ABCG2: variants seen among roughly 807,000 people sequenced by gnomAD.
ABCG2 encodes broad substrate specificity ATP-binding cassette transporter ABCG2.
In ABCG2, 80 loss-of-function variants were observed where a neutral mutation model predicts 73.5. The observed-to-expected ratio is 1.09, with a 90% CI of 0.91 to 1.31. The LOEUF is 1.31. Among genes scored for constraint, ABCG2 ranks in the 50% most tolerant of loss-of-function variants. The pLI, the probability that ABCG2 is intolerant of heterozygous loss-of-function variation, is 0.00. For synonymous variants in ABCG2, 269 were observed against 282.4 expected (o/e 0.95, Z 0.48); for missense variants, 796 against 786.2 (o/e 1.01, Z -0.15).
chr4:88,173,426 A>G (rs942008573), intron 1 of ABCG2, among the ~76,000 whole-genome samples: 2 of 152,194 alleles, frequency 1.3e-5, no homozygotes, highest in Non-Finnish European at 2.9e-5. Context: ...CTGTAAAATT[A>G]TGAATCTAAA....
intron 7 of ABCG2, among the ~76,000 whole-genome samples, chr4:88,115,627 AAAAAAAAAAAAG>A (rs1454647303): frequency 1.7e-4 from 21 of 122,154 alleles, no homozygotes; most frequent in African/African-American, 7.6e-4. Flanking sequence ...GGGCCAAAAA[AAAAAAAAAAAAG>A]AAAGAAAAGA....
At chr4:88,129,176 A>G (rs1724657190) in intron 5 of ABCG2, among the ~76,000 whole-genome samples, 1 of 152,162 alleles carries the variant, frequency 6.6e-6, no homozygotes, top group Admixed American at 6.6e-5. Context: ...TTTCTCTCAT[A>G]TGATATTAAC....
In ABCG2 at chr4:88,131,139, A is replaced by G; in HGVS notation, c.453T>C (p.Thr151=). ...QFSAALRLAT[T]MTNHEKNERI... ...GTTCGTTTTTTTCATGATTCGTCAT[A>G]GTTGTTGCAAGCCGAAGAGCTGCTG... The change falls in exon 5 of 16, where the codon ACT becomes ACC. Residue 151 remains threonine, a synonymous_variant. Coordinates refer to ENST00000237612, the MANE Select transcript of ABCG2 (RefSeq NM_004827.3). The G allele has an allele frequency of 6.2e-7, 1 of 1,614,060 alleles. No individual in the cohort carries two copies. Among genetic ancestry groups the G allele is most frequent in the Non-Finnish European group, 8.5e-7 (1 of 1,179,988 alleles).
intron 13 of ABCG2, among the ~76,000 whole-genome samples, chr4:88,096,109 G>C (rs541687878): frequency 6.6e-6 from 1 of 152,308 alleles, no homozygotes; most frequent in South Asian, 2.1e-4. Context: ...AAGGATATGA[G>C]GTTCTGAATG....
chr4:88,157,370 C>T (rs146604516), intron 1 of ABCG2, among the ~76,000 whole-genome samples: 9 of 152,172 alleles, frequency 5.9e-5, no homozygotes, highest in Non-Finnish European at 1.0e-4. Context: ...GTGAGATCAT[C>T]GATTGGATCC....
In ABCG2 at chr4:88,132,578, A is replaced by G. The variant is rs1222092257; in HGVS notation, c.261T>C (p.Ser87=). 4 of 1,614,018 alleles carry G rather than the reference A, an allele frequency of 2.5e-6. No homozygotes were observed. The highest frequency in any genetic ancestry group is 3.4e-6 in the Non-Finnish European group (4 of 1,180,008). The change falls in exon 3 of 16, where the codon TCT becomes TCC. Residue 87 remains serine, a splice_region_variant and synonymous_variant. Transcript: ENST00000237612. ...TACTTATACTCTCTTATACTCACGA[A>G]GATTTGCCTCCACCTGTGGGTCCCA... The part of the protein sequence containing the change: ...AILGPTGGGK[S]SLLDVLAARK...
rs1185176210 is a variant in ABCG2, at chr4:88,094,631, T to C, written c.1766A>G (p.Gln589Arg). 1 of 1,614,054 alleles carries C rather than the reference T, an allele frequency of 6.2e-7. No homozygotes were observed. Among genetic ancestry groups the C allele is most frequent in the Admixed American group, 1.7e-5 (1 of 60,018 alleles). The change falls in exon 15 of 16, where the codon CAA (glutamine) becomes CGA (arginine). Residue 589 changes from glutamine to arginine, a missense_variant. Transcript: ENST00000237612. The stretch of plus-strand genomic sequence containing the variant: ...TGCATTGAGTCCTGGGCAGAAGTTT[T>C]GTCCCAAAAATTCATTATGCTGCAA... ...TALQHNEFLG[Q>R]NFCPGLNATG...
At chr4:88,190,673 T>C (rs1728650846) in intron 1 of ABCG2, among the ~76,000 whole-genome samples, 1 of 152,150 alleles carries the variant, frequency 6.6e-6, no homozygotes, top group Admixed American at 6.5e-5. Context: ...ATTTTAACCA[T>C]TAAGAAAATG....
intron 1 of ABCG2, among the ~76,000 whole-genome samples, chr4:88,181,590 G>T (rs1728255421): frequency 6.6e-6 from 1 of 151,962 alleles, no homozygotes; most frequent in African/African-American, 2.4e-5. Flanking sequence ...AAATAGCCTG[G>T]CGTGGTGGTG....
intron 1 of ABCG2, among the ~76,000 whole-genome samples, chr4:88,168,215 G>A (rs1265933764): frequency 1.3e-5 from 2 of 151,960 alleles, no homozygotes; most frequent in Non-Finnish European, 2.9e-5. Context: ...AGGGCCAGGT[G>A]CAGTGGTTCA....
At chr4:88,207,303 AT>A (rs60833607) in intron 1 of ABCG2, among the ~76,000 whole-genome samples, 6,851 of 152,062 alleles carry the variant, frequency 0.045, 537 homozygotes, top group African/African-American at 0.16. Context: ...CTACTTACTG[AT>A]TTTTTTTAAA....
intron 12 of ABCG2, among the ~76,000 whole-genome samples, chr4:88,098,475 C>T (rs562776303): frequency 2.9e-4 from 44 of 151,120 alleles, no homozygotes; most frequent in African/African-American, 9.5e-4. Context: ...CAAAAGGCAC[C>T]GTCTTTCTCT....
intron 1 of ABCG2, among the ~76,000 whole-genome samples, chr4:88,155,501 T>C (rs994820985): frequency 6.6e-6 from 1 of 152,166 alleles, no homozygotes; most frequent in African/African-American, 2.4e-5. Context: ...TGTGTAAGTG[T>C]AGGTCACAGA....
At chr4:88,158,931 C>T (rs1028290605), upstream of ABCG2, 4 of 345,842 alleles carry the variant, frequency 1.2e-5, no homozygotes, top group African/African-American at 2.3e-5. Flanking sequence ...CCCAGCGCCC[C>T]GGGTTTCCCC....
At chr4:88,127,496 G>A (rs1724513262) in intron 5 of ABCG2, among the ~76,000 whole-genome samples, 1 of 152,128 alleles carries the variant, frequency 6.6e-6, no homozygotes, top group African/African-American at 2.4e-5. Context: ...CAAAGCTGGA[G>A]GCATCACGTG....
At chr4:88,186,917 TCAA>T (rs1263576007) in intron 1 of ABCG2, among the ~76,000 whole-genome samples, 2 of 24,044 alleles carry the variant, frequency 8.3e-5, no homozygotes, top group African/African-American at 2.4e-4. Context: ...AGACTCCGTC[TCAA>T]AAAAAAAAAA....
At chr4:88,118,438 T>C (rs572859004) in intron 6 of ABCG2, among the ~76,000 whole-genome samples, 178 bp from the exon 7 acceptor site, 1 of 152,352 alleles carries the variant, frequency 6.6e-6, no homozygotes, top group Admixed American at 6.5e-5. Flanking sequence ...ATGCTTTTAT[T>C]AAAACAGAAT....
chr4:88,097,543 T>A lies in ABCG2; in HGVS notation c.1557A>T (p.Ser519=). The part of the protein sequence containing the change: ...MMFTLMMVAY[S]ASSMALAIAA... ...CTATGGCCAGTGCCATGGAACTGGCTGAATAAGCCACCATCATAAGGGTAA... is the reference window on the plus strand; with the variant it reads ...CTATGGCCAGTGCCATGGAACTGGCAGAATAAGCCACCATCATAAGGGTAA... Residue 519 remains serine, a synonymous_variant, in exon 13 of 16, where the codon TCA becomes TCT. Coordinates refer to ENST00000237612, the MANE Select transcript of ABCG2 (RefSeq NM_004827.3). The A allele has an allele frequency of 1.2e-6, 2 of 1,614,172 alleles. No homozygotes were observed. Among genetic ancestry groups the A allele is most frequent in the Non-Finnish European group, 1.7e-6 (2 of 1,179,982 alleles).
intron 1 of ABCG2, among the ~76,000 whole-genome samples, chr4:88,152,956 C>G (rs1189239124): frequency 1.3e-5 from 2 of 151,728 alleles, no homozygotes; most frequent in Non-Finnish European, 2.9e-5. Context: ...AACAATTGTC[C>G]TATATAAGTA....
Sources: allele counts gnomAD v4.1 joint callset (sites outside exome capture counted in the v4.1 genomes callset), GRCh38; gene constraint gnomAD v4.1.1; transcripts MANE v1.5; gene names NCBI Gene and HGNC (gene_info 2026-07-23, HGNC 2026-07-21).